Variants in SF3B2 observed in about 807,000 individuals in gnomAD.
SF3B2 encodes splicing factor 3b subunit 2.
SF3B2 carries 22 observed loss-of-function variants against 116.3 expected under a neutral mutation model. That is an observed-to-expected ratio of 0.19 (90% confidence interval 0.14 to 0.27). The LOEUF (loss-of-function observed/expected upper bound fraction) is 0.27. Among genes scored for constraint, SF3B2 ranks in the 10% least tolerant of loss-of-function variants. The pLI, the probability that SF3B2 is intolerant of heterozygous loss-of-function variation, is 1.00. For synonymous variants in SF3B2, 406 were observed against 421.6 expected (o/e 0.96, Z 0.45); for missense variants, 767 against 1,151.4 (o/e 0.67, Z 4.83).
chr11:66,058,930 G>A lies in SF3B2; in HGVS notation c.1067G>A (p.Arg356Gln), dbSNP rs760204374. 1.8e-5 allele frequency: 29 copies of A among 1,614,028 alleles called. No individual in the cohort carries two copies. Among genetic ancestry groups the A allele is most frequent in the Admixed American group, 5.0e-5 (3 of 60,010 alleles). Residue 356 changes from arginine to glutamine, a missense_variant, in exon 10 of 22, where the codon CGG becomes CAG. Coordinates refer to ENST00000322535, the MANE Select transcript of SF3B2 (RefSeq NM_006842.3). ...SSGDREKDST[R>Q]SRGSDSPAAD... ...GGGGACCGGGAGAAAGACTCAACCC[G>A]GTCCCGTGGCTCTGATTCCCCAGCA...
Position 66,052,738 on chromosome 11 carries a change from A to C in SF3B2, c.180+19A>C, listed in dbSNP as rs1027969649. Reference sequence around the variant, plus strand: ...CCGCCAGGTAGGTGTTGGCGGCGGGACGTCAGGATAGGCCGAGCTTCTCCA... The same window carrying C: ...CCGCCAGGTAGGTGTTGGCGGCGGGCCGTCAGGATAGGCCGAGCTTCTCCA... On this transcript the variant is annotated intron_variant, in intron 2 of 21. Transcript: ENST00000322535. 1.3e-6 allele frequency: 2 copies of C among 1,552,492 alleles called. No homozygotes were observed. The highest frequency in any genetic ancestry group is 2.8e-5 in the African/African-American group (2 of 72,472).
intron 7 of SF3B2, 64 bp downstream of exon 7, chr11:66,057,439 A>G: frequency 1.2e-6 from 1 of 817,120 alleles, no homozygotes; most frequent in Non-Finnish European, 2.1e-6. Context: ...CTATTTTTGG[A>G]TTTTTAGAGA....
At position 66,063,719 on chromosome 11, in the gene SF3B2, G is replaced by A. The variant is rs971320581; in HGVS notation, c.2320G>A (p.Ala774Thr). The A allele has an allele frequency of 6.2e-7, 1 of 1,611,626 alleles. No homozygotes were observed. The highest frequency in any genetic ancestry group is 8.5e-7 in the Non-Finnish European group (1 of 1,179,128). ...IELRKKKIEE[A>T]MDGSETPQLF... ...GCTGAGGAAGAAGAAGATTGAGGAG[G>A]CGATGGACGGGTAAGGGTACCAGAC... is the stretch of plus-strand genomic sequence containing the variant. Residue 774 changes from alanine to threonine, a missense_variant, in exon 19 of 22, where the codon GCG becomes ACG. Coordinates refer to ENST00000322535, the MANE Select transcript of SF3B2 (RefSeq NM_006842.3).
Position 66,059,611 on chromosome 11 carries a change from A to T in SF3B2, c.1401+16A>T, listed in dbSNP as rs1249293405. ...ACTCAAGCAGGTAAGACCTGAGAGG[A>T]TCCTGCAGGCCCTGGAGCCCAGCTG... On this transcript the variant is annotated intron_variant, in intron 12 of 21. Coordinates refer to ENST00000322535, the MANE Select transcript of SF3B2 (RefSeq NM_006842.3). This position sits in a 1 kb window ranked among gnomAD's most constrained non-coding sequence, Gnocchi z 5.0. 6.2e-7 allele frequency: 1 copy of T among 1,613,196 alleles called. No homozygotes were observed. Among genetic ancestry groups the T allele is most frequent in the Non-Finnish European group, 8.5e-7 (1 of 1,179,366 alleles).
Position 66,068,965 on chromosome 11 carries a change from T to G in SF3B2, c.*220T>G. ...CCTTCTTGCAAAAGGACTAAAATAGTCTCTTTCTACAATCACTGGGCTGCC... is the reference window on the plus strand; with the variant it reads ...CCTTCTTGCAAAAGGACTAAAATAGGCTCTTTCTACAATCACTGGGCTGCC... On this transcript the variant is annotated 3_prime_UTR_variant, in exon 22 of 22. Transcript: ENST00000322535. The G allele has an allele frequency of 1.9e-6, 1 of 523,382 alleles. No individual in the cohort carries two copies. The highest frequency in any genetic ancestry group is 2.3e-5 in the South Asian group (1 of 43,404). The allele number at this position is 523,382 out of a possible 1,614,324, so 32.4% of individuals were successfully genotyped here.
chr11:66,052,544 C>T (rs1470144620), intron 1 of SF3B2, 27 bp downstream of exon 1: 3 of 1,603,502 alleles, frequency 1.9e-6, no homozygotes, highest in African/African-American at 1.3e-5. Flanking sequence ...GTCGAGGGGC[C>T]TTTACGGGCC....
rs201632534 is a variant in SF3B2, at chr11:66,061,873, G to A, written c.1870-18G>A. On this transcript the variant is annotated intron_variant, in intron 15 of 21. Coordinates refer to ENST00000322535, the MANE Select transcript of SF3B2 (RefSeq NM_006842.3). ...GATAGGGTTTGGCAGATGGTATCCT[G>A]TTCTCTTTTTCCTGCAGAATGCCCA... 1 of 1,609,900 alleles carries A rather than the reference G, an allele frequency of 6.2e-7. No individual in the cohort carries two copies. Among genetic ancestry groups the A allele is most frequent in the East Asian group, 2.2e-5 (1 of 44,804 alleles).
At chr11:66,055,612 C>T (rs189841460) in intron 5 of SF3B2, 27 bp downstream of exon 5, 19 of 1,611,016 alleles carry the variant, frequency 1.2e-5, no homozygotes, top group Non-Finnish European at 1.5e-5. Flanking sequence ...TAACCTTTGA[C>T]CTCGTGGTCC....
At chr11:66,060,466 A>G in intron 13 of SF3B2, 116 bp from the exon 14 acceptor site, 1 of 1,226,490 alleles carries the variant, frequency 8.2e-7, no homozygotes. Context: ...GATTTTGATG[A>G]CTTTCAGGGT....
Position 66,069,059 on chromosome 11 carries a change from G to C in SF3B2, c.*314G>C. On this transcript the variant is annotated 3_prime_UTR_variant, in exon 22 of 22. Coordinates refer to ENST00000322535, the MANE Select transcript of SF3B2 (RefSeq NM_006842.3). Reference sequence around the variant, plus strand: ...CTGGTGGTGACGCCAACCCCAGGCTGAAATCTGTGTTTCACCACTGCCCTG... The same window carrying C: ...CTGGTGGTGACGCCAACCCCAGGCTCAAATCTGTGTTTCACCACTGCCCTG... 1 of 399,140 alleles carries C rather than the reference G, an allele frequency of 2.5e-6. No individual in the cohort carries two copies. The highest frequency in any genetic ancestry group is 4.8e-6 in the Non-Finnish European group (1 of 209,774). 24.7% of individuals were successfully genotyped at this position (399,140 alleles called of 1,614,324 possible).
chr11:66,065,337 T>C (rs1590717693), intron 19 of SF3B2: 1 of 152,386 alleles, frequency 6.6e-6, no homozygotes, highest in East Asian at 1.9e-4. Context: ...GTGAGAAAAC[T>C]GCTGTCATTC....
rs761539430 is a variant in SF3B2, at chr11:66,058,825, G to A, written c.967-5G>A. ...TGACCCAGCTGGTTTTCCTCCTCTT[G>A]ACAGAAAAACCGGAAGCGTAGGAAC... On this transcript the variant is annotated splice_region_variant and splice_polypyrimidine_tract_variant and intron_variant, in intron 9 of 21. Coordinates refer to ENST00000322535, the MANE Select transcript of SF3B2 (RefSeq NM_006842.3). 2 of 1,607,036 alleles carry A rather than the reference G, an allele frequency of 1.2e-6. No homozygotes were observed. Among genetic ancestry groups the A allele is most frequent in the African/African-American group, 1.3e-5 (1 of 74,454 alleles).
rs1431688159 is a variant in SF3B2, at chr11:66,054,174, T to G, written c.259-902T>G. 4.1e-5 allele frequency among the ~76,000 whole-genome samples: 4 copies of G among 97,178 alleles called. No individual in the cohort carries two copies. In the East Asian group the frequency reaches 9.8e-4, roughly 24 times the overall value. The allele number at this position is 97,178 out of a possible 152,430, so 63.8% of individuals were successfully genotyped here. A position where few individuals can be genotyped will look rare whatever the true frequency, so the allele number is the denominator to read the frequency against. ...TCCAGCCTGGGCAATAGAGCGAGAC[T>G]GTCTCAAAAAAAAAAAAAAGAGGCA... On this transcript the variant is annotated intron_variant, in intron 3 of 21. Coordinates refer to ENST00000322535, the MANE Select transcript of SF3B2 (RefSeq NM_006842.3).
In SF3B2 at chr11:66,059,775, T is replaced by C. The variant is rs1210986398; in HGVS notation, c.1402-7T>C. On this transcript the variant is annotated splice_region_variant and splice_polypyrimidine_tract_variant and intron_variant, in intron 12 of 21. Transcript: ENST00000322535. The surrounding 1 kb of genome is among the most constrained non-coding windows in gnomAD (Gnocchi z 5.0). Reference sequence around the variant, plus strand: ...CTCGAGAACACGCATTACTATGTGTTTTCCAGCTGGTGGCTCGGCCCGATG... The same window carrying C: ...CTCGAGAACACGCATTACTATGTGTCTTCCAGCTGGTGGCTCGGCCCGATG... The C allele has an allele frequency of 6.2e-7, 1 of 1,614,010 alleles. No homozygotes were observed. The highest frequency in any genetic ancestry group is 1.7e-5 in the Admixed American group (1 of 60,004).
chr11:66,067,761 C>G (rs1380160432), intron 19 of SF3B2, 185 bp from the exon 20 acceptor site: 4 of 586,258 alleles, frequency 6.8e-6, no homozygotes, highest in Non-Finnish European at 1.2e-5. Context: ...TCCCTGGAGT[C>G]AGCACTGTGC....
chr11:66,057,444 T>A, intron 7 of SF3B2, 69 bp downstream of exon 7: 1 of 789,220 alleles, frequency 1.3e-6, no homozygotes, highest in East Asian at 2.4e-5. Flanking sequence ...TTTGGATTTT[T>A]AGAGAAAGGT....
intron 2 of SF3B2, 100 bp downstream of exon 2, chr11:66,052,819 C>T (rs1280727761): frequency 3.6e-6 from 5 of 1,391,946 alleles, no homozygotes; most frequent in Non-Finnish European, 4.9e-6. Context: ...TATCTCGGCA[C>T]AGCAAGGCGG....
At chr11:66,055,831 C>T (rs1856984196) in intron 5 of SF3B2, 7 of 494,114 alleles carry the variant, frequency 1.4e-5, no homozygotes, top group East Asian at 3.2e-5. Flanking sequence ...ATAAGAAAAC[C>T]CAAACCAAAA....
intron 7 of SF3B2, among the ~76,000 whole-genome samples, chr11:66,057,742 G>T (rs539709151): frequency 1.3e-5 from 2 of 151,678 alleles, no homozygotes; most frequent in Admixed American, 6.6e-5. Flanking sequence ...TTGGGAGGCC[G>T]AGGCGGGCGG....
Sources: gnomAD v4.1 joint callset for allele counts (sites outside exome capture counted in the v4.1 genomes callset) on GRCh38, gnomAD v4.1.1 for gene constraint, Gnocchi (gnomAD v3.1) non-coding constraint, MANE v1.5 for transcripts, NCBI Gene and HGNC (gene_info 2026-07-23, HGNC 2026-07-21) for gene names.